IKZF3: variants seen among roughly 807,000 people sequenced by gnomAD.
IKZF3 encodes zinc finger protein Aiolos.
IKZF3 carries 10 observed loss-of-function variants against 49.0 expected under a neutral mutation model. That is an observed-to-expected ratio of 0.20 (90% confidence interval 0.13 to 0.35). IKZF3 has a LOEUF of 0.35. Among genes scored for constraint, IKZF3 ranks in the 10% least tolerant of loss-of-function variants. The probability of loss-of-function intolerance (pLI) is 1.00; values close to 1 mark genes in which losing one functional copy is unlikely to be tolerated. For missense variants in IKZF3, 498 were observed against 664.8 expected, an observed-to-expected ratio of 0.75 and a Z score of 2.76; for synonymous variants, 209 against 228.2, an observed-to-expected ratio of 0.92 and a Z score of 0.76.
At chr17:39,772,247 T>G (rs987485312) in intron 7 of IKZF3, among the ~76,000 whole-genome samples, 1 of 152,178 alleles carries the variant, frequency 6.6e-6, no homozygotes, top group African/African-American at 2.4e-5. Context: ...TTGATTCCAC[T>G]GGGAGCCATT....
chr17:39,841,606 T>C (rs1322358397), intron 1 of IKZF3, among the ~76,000 whole-genome samples: 1 of 152,000 alleles, frequency 6.6e-6, no homozygotes, highest in Middle Eastern at 3.2e-3. Context: ...TTGTATTACA[T>C]AGTGGAGGAA....
At chr17:39,833,311 A>G (rs2062169111) in intron 1 of IKZF3, among the ~76,000 whole-genome samples, 1 of 152,178 alleles carries the variant, frequency 6.6e-6, no homozygotes, top group Non-Finnish European at 1.5e-5. Flanking sequence ...GTACCATTCA[A>G]TGAGTTTTTA....
intron 4 of IKZF3, 67 bp downstream of exon 4, chr17:39,792,606 C>T: frequency 6.6e-7 from 1 of 1,516,412 alleles, no homozygotes; most frequent in Non-Finnish European, 8.9e-7. Context: ...CCAAATTCCA[C>T]CACTTCATTT....
rs138960260 is a variant in IKZF3 at position 39,827,177 on chromosome 17, T to C, written c.163+2210A>G. Among the ~76,000 whole-genome samples the C allele has an allele frequency of 7.0e-3, 1,061 of 151,720 alleles. 5 individuals carry two copies. Among genetic ancestry groups the C allele is most frequent in the Middle Eastern group, 0.024 (7 of 290 alleles). On this transcript the variant is annotated intron_variant, in intron 3 of 7. Coordinates refer to ENST00000346872, the MANE Select transcript of IKZF3 (RefSeq NM_012481.5). ...CACACCTGGCTAATTTTTGTATTTTTAGTAGAGATGGGGTTTAACCAGTTG... is the reference window on the plus strand; with the variant it reads ...CACACCTGGCTAATTTTTGTATTTTCAGTAGAGATGGGGTTTAACCAGTTG...
intron 3 of IKZF3, among the ~76,000 whole-genome samples, chr17:39,823,617 CA>C (rs569419732): frequency 6.6e-6 from 1 of 152,282 alleles, no homozygotes; most frequent in East Asian, 1.9e-4. Context: ...GGTCCAGGGT[CA>C]CCCTGTTCTG....
intron 3 of IKZF3, among the ~76,000 whole-genome samples, chr17:39,812,659 G>A (rs979845380): frequency 2.6e-5 from 4 of 152,166 alleles, no homozygotes; most frequent in South Asian, 2.1e-4. Flanking sequence ...TCGGGTCACC[G>A]TGCCTGGTGC....
rs1045677528 is a variant in IKZF3, at chr17:39,762,533, C to T, written c.*3257G>A. 1.6e-4 allele frequency: 24 copies of T among 152,176 alleles called. No homozygotes were observed. Among genetic ancestry groups the T allele is most frequent in the African/African-American group, 5.3e-4 (22 of 41,406 alleles). 9.4% of individuals were successfully genotyped at this position (152,176 alleles called of 1,614,324 possible). On this transcript the variant is annotated 3_prime_UTR_variant, in exon 8 of 8. Coordinates refer to ENST00000346872, the MANE Select transcript of IKZF3 (RefSeq NM_012481.5). ...GTCACAGGAAAAAGGAGGATCATAT[C>T]TATAAAAAGAGTCCCCAGGCTGGTG...
intron 5 of IKZF3, among the ~76,000 whole-genome samples, chr17:39,789,227 C>G (rs999720910): frequency 1.3e-5 from 2 of 152,210 alleles, no homozygotes; most frequent in South Asian, 4.1e-4. Context: ...GTCAGGAGTT[C>G]GAGACCAGCC....
intron 3 of IKZF3, among the ~76,000 whole-genome samples, chr17:39,797,322 A>G (rs2061192902): frequency 6.6e-6 from 1 of 152,096 alleles, no homozygotes; most frequent in Non-Finnish European, 1.5e-5. Flanking sequence ...CTAGATTCAG[A>G]GCCTTTTTGT....
At chr17:39,779,574 T>C (rs2060677330) in intron 6 of IKZF3, among the ~76,000 whole-genome samples, 1 of 152,178 alleles carries the variant, frequency 6.6e-6, no homozygotes. Flanking sequence ...CAGCAAACTT[T>C]TGTCTGTAAA....
intron 7 of IKZF3, among the ~76,000 whole-genome samples, chr17:39,767,356 G>T (rs1422507179): frequency 1.3e-5 from 2 of 152,188 alleles, no homozygotes; most frequent in Non-Finnish European, 2.9e-5. Context: ...TGTGGGTGTT[G>T]TGTGTTAGAA....
At chr17:39,802,289 T>C (rs1046038357) in intron 3 of IKZF3, among the ~76,000 whole-genome samples, 2 of 146,970 alleles carry the variant, frequency 1.4e-5, no homozygotes, top group Admixed American at 1.4e-4. Context: ...TTGGATAAAA[T>C]TCTATAGATT....
At chr17:39,841,447 G>A (rs1295740830) in intron 1 of IKZF3, among the ~76,000 whole-genome samples, 3 of 152,020 alleles carry the variant, frequency 2.0e-5, no homozygotes, top group Non-Finnish European at 4.4e-5. Flanking sequence ...ACATTTTAGG[G>A]GCAGTCCTGC....
chr17:39,794,868 T>C (rs1325461486), intron 3 of IKZF3, among the ~76,000 whole-genome samples: 1 of 152,226 alleles, frequency 6.6e-6, no homozygotes, highest in Non-Finnish European at 1.5e-5. Context: ...TCACTCCAGC[T>C]GTGGGTAATA....
rs535052777 is a variant in IKZF3, at chr17:39,833,020, A to T, written c.8-869T>A. Among the ~76,000 whole-genome samples the T allele has an allele frequency of 9.9e-5, 15 of 152,282 alleles. No homozygotes were observed. The East Asian group carries it at 1.7e-3, about 18-fold the overall frequency. ...GTAAAATATTATGTATCAATAAAAA[A>T]TTTTAAAAAAAGAACTGCACAGTTG... On this transcript the variant is annotated intron_variant, in intron 1 of 7. Transcript: ENST00000346872.
intron 3 of IKZF3, among the ~76,000 whole-genome samples, chr17:39,825,267 G>A (rs2061926888): frequency 6.6e-6 from 1 of 152,170 alleles, no homozygotes; most frequent in African/African-American, 2.4e-5. Flanking sequence ...GATATGATAT[G>A]GTAAAGTCAG....
intron 3 of IKZF3, among the ~76,000 whole-genome samples, chr17:39,799,092 G>A (rs1343078091): frequency 6.6e-6 from 1 of 151,886 alleles, no homozygotes; most frequent in Middle Eastern, 3.2e-3. Flanking sequence ...TTTTAAAATA[G>A]AAAATTTGGG....
chr17:39,863,530 A>C (rs1383154871), intron 1 of IKZF3, among the ~76,000 whole-genome samples: 1 of 152,234 alleles, frequency 6.6e-6, no homozygotes, highest in Non-Finnish European at 1.5e-5. Flanking sequence ...AAGGAAGTAC[A>C]GAATGAAAAA....
At position 39,771,668 on chromosome 17, in the gene IKZF3, G is replaced by T. The variant is rs76540846; in HGVS notation, c.827-5175C>A. ...TAATAAGAAGCAGACTAGTAAACTC[G>T]CCTGGAGTGCAGAGGGAGGATGGAG... is the stretch of plus-strand genomic sequence containing the variant. On this transcript the variant is annotated intron_variant, in intron 7 of 7. Coordinates refer to ENST00000346872, the MANE Select transcript of IKZF3 (RefSeq NM_012481.5). Among the ~76,000 whole-genome samples the T allele has an allele frequency of 3.8e-3, 572 of 152,276 alleles. 3 individuals are homozygous for T. Among genetic ancestry groups the T allele is most frequent in the Middle Eastern group, 6.8e-3 (2 of 294 alleles).
Sources: gnomAD v4.1 joint callset for allele counts (sites outside exome capture counted in the v4.1 genomes callset) on GRCh38, gnomAD v4.1.1 for gene constraint, MANE v1.5 for transcripts, NCBI Gene and HGNC (gene_info 2026-07-23, HGNC 2026-07-21) for gene names.